The following TSPAN2 variants were observed in gnomAD, a reference collection of about 807,000 sequenced individuals.
The protein encoded by TSPAN2 is tetraspanin 2, also known as tetraspanin-2.
In TSPAN2, 24 loss-of-function variants were observed where a neutral mutation model predicts 33.3. The observed-to-expected ratio is 0.72, with a 90% CI of 0.52 to 1.01. The LOEUF (loss-of-function observed/expected upper bound fraction) is 1.01, where lower values mean the gene tolerates loss of function less well. Ranked by LOEUF, TSPAN2 falls within the 50% of genes least tolerant of loss-of-function variation. The probability of loss-of-function intolerance (pLI) is 0.00; values close to 1 mark genes in which losing one functional copy is unlikely to be tolerated. For missense variants in TSPAN2, 278 were observed against 281.3 expected (o/e 0.99, Z 0.08); for synonymous variants, 114 against 104.5 (o/e 1.09, Z -0.56).
chr1:115,079,119 C>T (rs1648522605), intron 1 of TSPAN2, among the ~76,000 whole-genome samples: 1 of 143,858 alleles, frequency 7.0e-6, no homozygotes, highest in African/African-American at 2.6e-5. Context: ...GGCATATGAA[C>T]ACAATACAAT....
intron 2 of TSPAN2, among the ~76,000 whole-genome samples, chr1:115,068,188 C>T (rs771707071): frequency 1.3e-5 from 2 of 152,342 alleles, no homozygotes; most frequent in East Asian, 1.9e-4. Flanking sequence ...ACTATCCTCT[C>T]GCCCTGTCCT....
chr1:115,060,373 G>T, intron 4 of TSPAN2, 91 bp downstream of exon 4: 1 of 1,015,210 alleles, frequency 9.9e-7, no homozygotes, highest in South Asian at 1.5e-5. Flanking sequence ...TATAATAATG[G>T]GGATTATTTG....
intron 3 of TSPAN2, 23 bp downstream of exon 3, chr1:115,062,112 A>G: frequency 9.0e-7 from 1 of 1,105,872 alleles, no homozygotes; most frequent in Non-Finnish European, 1.3e-6. Context: ...CCACCCCACC[A>G]TTTACCCCCT....
chr1:115,085,122 GA>G (rs568050184), intron 1 of TSPAN2, among the ~76,000 whole-genome samples: 8 of 150,780 alleles, frequency 5.3e-5, no homozygotes, highest in East Asian at 1.9e-4. Context: ...TGCAACGTAG[GA>G]AAAAAAAAGG....
intron 2 of TSPAN2, among the ~76,000 whole-genome samples, chr1:115,067,732 G>A (rs1040756286): frequency 2.0e-5 from 3 of 152,170 alleles, no homozygotes; most frequent in Admixed American, 6.5e-5. Flanking sequence ...CTGGAGAGCC[G>A]AGTGGCTCCT....
At chr1:115,086,894 G>T (rs1277043897) in intron 1 of TSPAN2, among the ~76,000 whole-genome samples, 1 of 152,146 alleles carries the variant, frequency 6.6e-6, no homozygotes, top group African/African-American at 2.4e-5. Context: ...CAGCAAGTCT[G>T]GGATGAGCTG....
chr1:115,085,550 G>A (rs1232659010), intron 1 of TSPAN2, among the ~76,000 whole-genome samples: 2 of 152,158 alleles, frequency 1.3e-5, no homozygotes, highest in African/African-American at 4.8e-5. Flanking sequence ...CGAGGGGCAG[G>A]CACATGAGCT....
chr1:115,067,886 C>G, intron 2 of TSPAN2, among the ~76,000 whole-genome samples: 1 of 152,192 alleles, frequency 6.6e-6, no homozygotes. Flanking sequence ...AGAAAGAAGA[C>G]CCCTGGGGTG....
chr1:115,052,614 T>C (rs529387080), intron 7 of TSPAN2, among the ~76,000 whole-genome samples: 1 of 152,188 alleles, frequency 6.6e-6, no homozygotes, highest in Admixed American at 6.5e-5. Flanking sequence ...TCGCAACTCC[T>C]GCCATACCTG....
At chr1:115,085,935 A>G (rs1023933120) in intron 1 of TSPAN2, among the ~76,000 whole-genome samples, 3 of 152,174 alleles carry the variant, frequency 2.0e-5, no homozygotes, top group Admixed American at 2.0e-4. Flanking sequence ...CAAAACAGAA[A>G]AAACAAAATT....
intron 2 of TSPAN2, among the ~76,000 whole-genome samples, chr1:115,063,867 G>T (rs1282168936): frequency 6.6e-6 from 1 of 152,106 alleles, no homozygotes; most frequent in African/African-American, 2.4e-5. Context: ...GGTACACATG[G>T]ACATAAAGAT....
At chr1:115,073,837 A>G (rs1648289091) in intron 1 of TSPAN2, among the ~76,000 whole-genome samples, 1 of 151,854 alleles carries the variant, frequency 6.6e-6, no homozygotes, top group Non-Finnish European at 1.5e-5. Context: ...CCCTACTCTG[A>G]AGGCTTTTGT....
intron 5 of TSPAN2, chr1:115,058,567 C>T (rs1473675112): frequency 2.8e-6 from 1 of 363,308 alleles, no homozygotes; most frequent in Non-Finnish European, 5.0e-6. Flanking sequence ...CACCACAATG[C>T]TACCCTCTGA....
At chr1:115,067,561 A>C (rs902939348) in intron 2 of TSPAN2, among the ~76,000 whole-genome samples, 2 of 152,214 alleles carry the variant, frequency 1.3e-5, no homozygotes. Context: ...CCAAGTAAAA[A>C]AATATGACCA....
At chr1:115,077,123 T>G (rs1237282866) in intron 1 of TSPAN2, among the ~76,000 whole-genome samples, 1 of 152,012 alleles carries the variant, frequency 6.6e-6, no homozygotes, top group Non-Finnish European at 1.5e-5. Context: ...TTTACCATGT[T>G]GCCTAAGCTA....
intron 1 of TSPAN2, among the ~76,000 whole-genome samples, chr1:115,077,338 A>T (rs536824125): frequency 0.017 from 2,512 of 152,238 alleles, 75 homozygotes; most frequent in African/African-American, 0.058. Flanking sequence ...TACTTAAAAA[A>T]AAAAAAAGAA....
At chr1:115,059,352 T>C (rs1265982891) in intron 4 of TSPAN2, among the ~76,000 whole-genome samples, 1 of 152,206 alleles carries the variant, frequency 6.6e-6, no homozygotes, top group Non-Finnish European at 1.5e-5. Flanking sequence ...TTATAGTTTC[T>C]GGAGTTTCTA....
chr1:115,085,235 A>G (rs1391256523), intron 1 of TSPAN2, among the ~76,000 whole-genome samples: 1 of 152,218 alleles, frequency 6.6e-6, no homozygotes, highest in African/African-American at 2.4e-5. Flanking sequence ...GACATCAACC[A>G]CGATAAGAGA....
At chr1:115,054,008 G>T (rs1438698363) in intron 6 of TSPAN2, among the ~76,000 whole-genome samples, 1 of 152,188 alleles carries the variant, frequency 6.6e-6, no homozygotes, top group Non-Finnish European at 1.5e-5. Flanking sequence ...TCCTGTGGTG[G>T]CTGGGCTGGG....
Sources: allele counts gnomAD v4.1 joint callset (sites outside exome capture counted in the v4.1 genomes callset), GRCh38; gene constraint gnomAD v4.1.1; transcripts MANE v1.5; gene names NCBI Gene and HGNC (gene_info 2026-07-23, HGNC 2026-07-21).